Variants in INPP5B observed in about 807,000 individuals in gnomAD.
INPP5B encodes the protein inositol polyphosphate-5-phosphatase B, also known as type II inositol 1,4,5-trisphosphate 5-phosphatase.
A neutral mutation model predicts 118.5 loss-of-function variants in INPP5B; 90 were observed. The ratio of observed to expected loss-of-function variants is 0.76; its 90% CI spans 0.64 to 0.90. The LOEUF (loss-of-function observed/expected upper bound fraction) is 0.90, where lower values mean the gene tolerates loss of function less well. Among genes scored for constraint, INPP5B ranks in the 40% least tolerant of loss-of-function variants. INPP5B has a pLI of 0.00. For missense variants in INPP5B, 984 were observed against 1,125.6 expected, an observed-to-expected ratio of 0.87 and a Z score of 1.80; for synonymous variants, 385 against 418.9, an observed-to-expected ratio of 0.92 and a Z score of 0.99.
In INPP5B at chr1:37,907,590, G is replaced by C. The variant is rs762165241; in HGVS notation, c.533-16136C>G. ...GACAGTTAGGCATTCTAAGTCACTG[G>C]ATGAGATGTGAGGGTCAGCACAAGG... is the stretch of plus-strand genomic sequence containing the variant. On this transcript the variant is annotated intron_variant, in intron 7 of 23. Transcript: ENST00000373024. The surrounding 1 kb of genome is among the most constrained non-coding windows in gnomAD (Gnocchi z 4.3). Among the ~76,000 whole-genome samples, 21 of 152,186 alleles carry C rather than the reference G, an allele frequency of 1.4e-4. No individual in the cohort carries two copies. The highest frequency in any genetic ancestry group is 2.9e-4 in the Non-Finnish European group (20 of 68,034).
At chr1:37,924,201 C>T (rs1258950515) in intron 7 of INPP5B, among the ~76,000 whole-genome samples, 3 of 151,244 alleles carry the variant, frequency 2.0e-5, no homozygotes, top group African/African-American at 7.3e-5. Context: ...GACAGAGTCT[C>T]GCTCTTGCCC....
At chr1:37,905,497 T>C (rs1644473761) in intron 7 of INPP5B, among the ~76,000 whole-genome samples, 1 of 152,244 alleles carries the variant, frequency 6.6e-6, no homozygotes, top group Non-Finnish European at 1.5e-5. Context: ...TTAGTGTATG[T>C]TACTAATAAT....
chr1:37,893,436 C>A (rs1405947084), intron 7 of INPP5B, among the ~76,000 whole-genome samples: 1 of 152,050 alleles, frequency 6.6e-6, no homozygotes, highest in Non-Finnish European at 1.5e-5. Context: ...GTTATAACAG[C>A]CTACAGACTA....
chr1:37,895,821 G>A (rs1307648618), intron 7 of INPP5B, among the ~76,000 whole-genome samples: 5 of 152,094 alleles, frequency 3.3e-5, no homozygotes, highest in African/African-American at 4.8e-5. Flanking sequence ...AGTGCTCAAT[G>A]GTGCCCAGGC....
chr1:37,878,480 G>A lies in INPP5B; in HGVS notation c.1542-157C>T, dbSNP rs567180097. On this transcript the variant is annotated intron_variant, in intron 15 of 23. Coordinates refer to ENST00000373024, the MANE Select transcript of INPP5B (RefSeq NM_005540.3). ...CAAGAGCAATTCGGGCCCACCAAGGGATAACATGTATCCTGTGGGTATCAT... is the reference window on the plus strand; with the variant it reads ...CAAGAGCAATTCGGGCCCACCAAGGAATAACATGTATCCTGTGGGTATCAT... 54 of 985,348 alleles carry A rather than the reference G, an allele frequency of 5.5e-5. No homozygotes were observed. In the South Asian group the frequency reaches 1.9e-3, roughly 35 times the overall value. The allele number at this position is 985,348 out of a possible 1,614,324, so 61.0% of individuals were successfully genotyped here. A position where few individuals can be genotyped will look rare whatever the true frequency, so the allele number is the denominator to read the frequency against.
intron 19 of INPP5B, among the ~76,000 whole-genome samples, chr1:37,872,158 G>A (rs1054595496): frequency 6.6e-6 from 1 of 151,110 alleles, no homozygotes. Flanking sequence ...CCTGAGGTTG[G>A]GAGTTCCAGA....
At chr1:37,913,377 C>T (rs1384897791) in intron 7 of INPP5B, among the ~76,000 whole-genome samples, 2 of 152,156 alleles carry the variant, frequency 1.3e-5, no homozygotes, top group Non-Finnish European at 2.9e-5. Flanking sequence ...CCCCAAAACT[C>T]GCCAACCAAT....
At chr1:37,887,540 T>G in intron 10 of INPP5B, 75 bp from the exon 11 acceptor site, 4 of 832,832 alleles carry the variant, frequency 4.8e-6, no homozygotes, top group Non-Finnish European at 8.0e-6. Context: ...TTGGTTTAGG[T>G]GCATAAGCCC....
Position 37,887,520 on chromosome 1 carries a change from C to T in INPP5B, c.900-55G>A. The stretch of plus-strand genomic sequence containing the variant: ...AAAGAAAAGTAATGTGCAAATGACA[C>T]ATTCTCAGATTGGTTTAGGTGCATA... On this transcript the variant is annotated intron_variant, in intron 10 of 23. Transcript: ENST00000373024. 5 of 1,053,014 alleles carry T rather than the reference C, an allele frequency of 4.7e-6. No homozygotes were observed. In the South Asian group the frequency reaches 6.6e-5, roughly 14 times the overall value. The allele number at this position is 1,053,014 out of a possible 1,614,324, so 65.2% of individuals were successfully genotyped here.
intron 7 of INPP5B, chr1:37,931,395 C>T (rs1211622041): frequency 6.9e-7 from 1 of 1,457,346 alleles, no homozygotes; most frequent in Non-Finnish European, 9.1e-7. Flanking sequence ...AGCGAGTGGC[C>T]CGAGGTCACA....
chr1:37,944,401 CT>C (rs974296905), intron 3 of INPP5B, among the ~76,000 whole-genome samples: 1 of 151,866 alleles, frequency 6.6e-6, no homozygotes, highest in Non-Finnish European at 1.5e-5. Flanking sequence ...GGAGCACTTT[CT>C]TTTTTTTATT....
intron 7 of INPP5B, among the ~76,000 whole-genome samples, chr1:37,916,656 T>A (rs961181415): frequency 6.6e-6 from 1 of 152,166 alleles, no homozygotes. Flanking sequence ...CCTCAGGTGA[T>A]CCGCCTGCCT....
intron 7 of INPP5B, among the ~76,000 whole-genome samples, chr1:37,925,873 G>A (rs763589306): frequency 2.0e-4 from 31 of 152,182 alleles, no homozygotes; most frequent in Admixed American, 2.6e-4. Context: ...GAAGAAAAAC[G>A]AATACAGTTC....
rs569821682 is a variant in INPP5B, at chr1:37,888,373, TC to T, written c.798-30del. The stretch of plus-strand genomic sequence containing the variant: ...TCACCAAAGAGAAATAATTAGTGAC[TC>T]CGAATCACTATGGAGATAACAGGAG... On this transcript the variant is annotated intron_variant, in intron 9 of 23. Transcript: ENST00000373024. The T allele has an allele frequency of 1.2e-4, 161 of 1,377,036 alleles. No homozygotes were observed. The African/African-American group carries it at 2.1e-3, about 18-fold the overall frequency. The allele number at this position is 1,377,036 out of a possible 1,614,324, so 85.3% of individuals were successfully genotyped here. A position where few individuals can be genotyped will look rare whatever the true frequency, so the allele number is the denominator to read the frequency against.
chr1:37,863,726 C>A (rs559466622), intron 23 of INPP5B, among the ~76,000 whole-genome samples: 1 of 151,918 alleles, frequency 6.6e-6, no homozygotes, highest in Non-Finnish European at 1.5e-5. Context: ...CAAACACACA[C>A]GCACAAAACC....
intron 7 of INPP5B, among the ~76,000 whole-genome samples, chr1:37,893,585 A>G (rs1022905664): frequency 1.3e-5 from 2 of 152,148 alleles, no homozygotes; most frequent in East Asian, 1.9e-4. Context: ...AGCCTCAACT[A>G]GTTTCCCTGC....
At chr1:37,896,987 G>C (rs1189691186) in intron 7 of INPP5B, among the ~76,000 whole-genome samples, 1 of 112,502 alleles carries the variant, frequency 8.9e-6, no homozygotes, top group East Asian at 3.3e-4. Flanking sequence ...GAGGTGGGGG[G>C]GTCAGCCCCC....
At chr1:37,864,566 G>A (rs1641914297) in intron 22 of INPP5B, 143 bp from the exon 23 acceptor site, 1 of 547,574 alleles carries the variant, frequency 1.8e-6, no homozygotes, top group East Asian at 3.1e-5. Context: ...CTTGGCATAA[G>A]TATCAAAAGA....
At chr1:37,906,885 A>AG (rs1346956180) in intron 7 of INPP5B, among the ~76,000 whole-genome samples, 3 of 151,986 alleles carry the variant, frequency 2.0e-5, no homozygotes, top group African/African-American at 2.4e-5. Flanking sequence ...AAAGAAAGAA[A>AG]AAAAAAACCT....
Sources: allele counts gnomAD v4.1 joint callset (sites outside exome capture counted in the v4.1 genomes callset), GRCh38; gene constraint gnomAD v4.1.1; non-coding constraint Gnocchi (gnomAD v3.1); transcripts MANE v1.5; gene names NCBI Gene and HGNC (gene_info 2026-07-23, HGNC 2026-07-21).